Variants in EIF2AK4 observed in about 807,000 individuals in gnomAD.
EIF2AK4 encodes eIF-2-alpha kinase GCN2.
EIF2AK4 carries 139 observed loss-of-function variants against 211.1 expected under a neutral mutation model. The observed-to-expected ratio is 0.66, with a 90% CI of 0.57 to 0.76. EIF2AK4 has a LOEUF of 0.76. Ranked by LOEUF, EIF2AK4 falls within the 30% of genes least tolerant of loss-of-function variation. The probability of loss-of-function intolerance (pLI) is 0.00; values close to 1 mark genes in which losing one functional copy is unlikely to be tolerated. For missense variants in EIF2AK4, 1,664 were observed against 2,043.8 expected (o/e 0.81, Z 3.58); for synonymous variants, 710 against 751.3 (o/e 0.94, Z 0.90).
At chr15:40,022,462 T>C in intron 31 of EIF2AK4, 57 bp from the exon 32 acceptor site, 1 of 1,413,322 alleles carries the variant, frequency 7.1e-7, no homozygotes, top group Non-Finnish European at 9.9e-7. Context: ...CCTTAATTAC[T>C]TGAAGCTGTT....
chr15:39,992,395 T>A (rs754288583), intron 17 of EIF2AK4, 166 bp downstream of exon 17: 16 of 566,292 alleles, frequency 2.8e-5, no homozygotes, highest in Non-Finnish European at 4.2e-5. Flanking sequence ...CCTTTTCAAT[T>A]TATGAATTAT....
At chr15:39,974,069 T>C (rs2034661045) in intron 11 of EIF2AK4, 1 of 178,586 alleles carries the variant, frequency 5.6e-6, no homozygotes, top group East Asian at 1.5e-4. Context: ...AGAAAGAACA[T>C]TGTTCTTTTT....
At position 40,026,098 on chromosome 15, in the gene EIF2AK4, G is replaced by A. The variant is rs1343078431; in HGVS notation, c.4502+9G>A. On this transcript the variant is annotated intron_variant, in intron 33 of 38. Coordinates refer to ENST00000263791, the MANE Select transcript of EIF2AK4 (RefSeq NM_001013703.4). Reference sequence around the variant, plus strand: ...GATGAAAGGAATGGCAGGTAACTTAGGAAACAAAAGCCGAGAAAAGTGACT... The same window carrying A: ...GATGAAAGGAATGGCAGGTAACTTAAGAAACAAAAGCCGAGAAAAGTGACT... 1 of 1,611,558 alleles carries A rather than the reference G, an allele frequency of 6.2e-7. No homozygotes were observed. Among genetic ancestry groups the A allele is most frequent in the African/African-American group, 1.3e-5 (1 of 74,962 alleles).
intron 27 of EIF2AK4, among the ~76,000 whole-genome samples, chr15:40,013,061 G>A (rs1489763292): frequency 1.3e-5 from 2 of 152,100 alleles, no homozygotes; most frequent in Non-Finnish European, 2.9e-5. Flanking sequence ...CAGTGCTTCT[G>A]GTAGTTTATT....
intron 23 of EIF2AK4, among the ~76,000 whole-genome samples, chr15:40,006,686 T>C (rs1234042329): frequency 6.6e-6 from 1 of 152,184 alleles, no homozygotes; most frequent in African/African-American, 2.4e-5. Flanking sequence ...CATAAATAAA[T>C]AACTTGCACT....
intron 31 of EIF2AK4, chr15:40,022,314 T>G (rs563313033): frequency 1.6e-5 from 8 of 508,956 alleles, no homozygotes; most frequent in African/African-American, 1.2e-4. Flanking sequence ...TAAACAATCA[T>G]GAAGGGAAGG....
chr15:39,948,639 G>C (rs1169822792), intron 3 of EIF2AK4, among the ~76,000 whole-genome samples: 3 of 152,126 alleles, frequency 2.0e-5, no homozygotes, highest in African/African-American at 4.8e-5. Context: ...ATTTGCCTCT[G>C]TACTCCCAAC....
At chr15:39,996,203 A>G (rs1036575526) in intron 18 of EIF2AK4, among the ~76,000 whole-genome samples, 1 of 152,186 alleles carries the variant, frequency 6.6e-6, no homozygotes, top group Non-Finnish European at 1.5e-5. Flanking sequence ...TTCTTTTTGA[A>G]GGCCATATGA....
At chr15:40,006,631 C>T (rs1269218540) in intron 23 of EIF2AK4, among the ~76,000 whole-genome samples, 2 of 151,968 alleles carry the variant, frequency 1.3e-5, no homozygotes, top group Non-Finnish European at 2.9e-5. Flanking sequence ...AGAGATAATA[C>T]CCATTTTGAC....
chr15:39,977,104 T>A, intron 12 of EIF2AK4: 1 of 397,452 alleles, frequency 2.5e-6, no homozygotes, highest in Non-Finnish European at 4.4e-6. Flanking sequence ...GGGGATTCAT[T>A]TAGAAATCCA....
chr15:39,974,458 T>C (rs1388154822), intron 11 of EIF2AK4: 1 of 152,188 alleles, frequency 6.6e-6, no homozygotes, highest in Non-Finnish European at 1.5e-5. Flanking sequence ...TTAAGGATTC[T>C]GAGAGTATCA....
intron 4 of EIF2AK4, chr15:39,951,807 C>G (rs1338567843): frequency 1.2e-5 from 2 of 163,754 alleles, no homozygotes; most frequent in Non-Finnish European, 2.7e-5. Context: ...ATTATACAAG[C>G]CATGGTATAG....
rs2034219152 is a variant in EIF2AK4 at position 39,945,770 on chromosome 15, C to G, written c.360+2285C>G. On this transcript the variant is annotated intron_variant, in intron 3 of 38. Coordinates refer to ENST00000263791, the MANE Select transcript of EIF2AK4 (RefSeq NM_001013703.4). The stretch of plus-strand genomic sequence containing the variant: ...CGCTTGTTAGGAGCTAATACAGCTG[C>G]TGACTTTTCAAAAGTTGAGGCCAGT... 2.6e-5 allele frequency among the ~76,000 whole-genome samples: 4 copies of G among 152,192 alleles called. No individual in the cohort carries two copies. In the South Asian group the frequency reaches 8.3e-4, roughly 32 times the overall value.
intron 27 of EIF2AK4, among the ~76,000 whole-genome samples, chr15:40,014,401 A>G (rs1432802811): frequency 6.6e-6 from 1 of 152,138 alleles, no homozygotes; most frequent in Non-Finnish European, 1.5e-5. Context: ...AGGTTCCCAA[A>G]CCTCAATTCT....
At chr15:39,976,352 C>T in intron 11 of EIF2AK4, 62 bp from the exon 12 acceptor site, 3 of 1,498,658 alleles carry the variant, frequency 2.0e-6, no homozygotes, top group East Asian at 2.4e-5. Flanking sequence ...GGATGGGGTG[C>T]GGTGCAAATG....
At chr15:39,969,310 G>C (rs1308265275) in intron 9 of EIF2AK4, among the ~76,000 whole-genome samples, 1 of 147,512 alleles carries the variant, frequency 6.8e-6, no homozygotes, top group Admixed American at 6.7e-5. Flanking sequence ...TTAAATAGCT[G>C]TATGCTCTGT....
In EIF2AK4 at chr15:39,953,811, A is replaced by G. The variant is rs910402226; in HGVS notation, c.514-93A>G. 68 of 1,251,710 alleles carry G rather than the reference A, an allele frequency of 5.4e-5. 1 individual carries two copies. Among genetic ancestry groups the G allele is most frequent in the Non-Finnish European group, 6.9e-5 (61 of 885,186 alleles). 77.5% of individuals were successfully genotyped at this position (1,251,710 alleles called of 1,614,324 possible). On this transcript the variant is annotated intron_variant, in intron 4 of 38. Transcript: ENST00000263791. ...CTCTTAGGAAGAGAGGGTTTGAATT[A>G]TTGAAAGTTAAAAGATTTTTCTGTA...
intron 6 of EIF2AK4, among the ~76,000 whole-genome samples, chr15:39,959,107 A>G (rs532309147): frequency 6.6e-6 from 1 of 152,320 alleles, no homozygotes; most frequent in East Asian, 1.9e-4. Flanking sequence ...CATGGGTGAT[A>G]TTTTTAATAT....
At chr15:40,010,902 C>T (rs1021534471) in intron 26 of EIF2AK4, among the ~76,000 whole-genome samples, 2 of 152,284 alleles carry the variant, frequency 1.3e-5, no homozygotes, top group Admixed American at 6.5e-5. Context: ...CCTGCGGCTA[C>T]GGCACATCTG....
Sources: gnomAD v4.1 joint callset for allele counts (sites outside exome capture counted in the v4.1 genomes callset) on GRCh38, gnomAD v4.1.1 for gene constraint, MANE v1.5 for transcripts, NCBI Gene and HGNC (gene_info 2026-07-23, HGNC 2026-07-21) for gene names.